The following RPSA2 variants were observed in gnomAD, a reference collection of about 807,000 sequenced individuals.
RPSA2 encodes small ribosomal subunit protein uS2B.
the RPSA2 span, among the ~76,000 whole-genome samples, chr19:23,847,107 G>T: frequency 1.3e-5 from 2 of 151,582 alleles, no homozygotes; most frequent in African/African-American, 4.8e-5. Context: ...CCTGTTTAAA[G>T]GTCTGAAAAT....
the RPSA2 span, among the ~76,000 whole-genome samples, chr19:23,768,167 G>C: frequency 4.0e-4 from 3 of 7,526 alleles, no homozygotes; most frequent in East Asian, 0.036. Context: ...GAAAAATCTA[G>C]TGATATGTTT....
At chr19:23,833,508 A>T in the RPSA2 span, among the ~76,000 whole-genome samples, 1 of 152,132 alleles carries the variant, frequency 6.6e-6, no homozygotes, top group African/African-American at 2.4e-5. Context: ...AATGATTGTC[A>T]CACTTGATTG....
the RPSA2 span, among the ~76,000 whole-genome samples, chr19:23,769,271 T>G: frequency 1.3e-5 from 2 of 152,332 alleles, no homozygotes; most frequent in African/African-American, 4.8e-5. Flanking sequence ...AGGTTATATG[T>G]GACTTCACAC....
At chr19:23,785,493 T>C in the RPSA2 span, among the ~76,000 whole-genome samples, 1 of 152,102 alleles carries the variant, frequency 6.6e-6, no homozygotes, top group Admixed American at 6.5e-5. Context: ...TACCAGACAA[T>C]GTGTCTTTCT....
the RPSA2 span, among the ~76,000 whole-genome samples, chr19:23,870,536 T>A: frequency 6.6e-6 from 1 of 152,174 alleles, no homozygotes; most frequent in Admixed American, 6.5e-5. Context: ...AAAAAAAAGT[T>A]CTTGATTTAA....
the RPSA2 span, among the ~76,000 whole-genome samples, chr19:23,774,115 G>A: frequency 1.3e-5 from 2 of 151,914 alleles, no homozygotes; most frequent in Admixed American, 6.6e-5. Context: ...GTGACATATC[G>A]CTGGGCCTTG....
At chr19:23,864,901 TC>T in the RPSA2 span, among the ~76,000 whole-genome samples, 1 of 152,176 alleles carries the variant, frequency 6.6e-6, no homozygotes, top group African/African-American at 2.4e-5. Context: ...TCTCCCTGTC[TC>T]CTTTACACAA....
chr19:23,835,627 G>T, the RPSA2 span, among the ~76,000 whole-genome samples: 7 of 142,138 alleles, frequency 4.9e-5, no homozygotes, highest in African/African-American at 1.8e-4. Flanking sequence ...TTTTTTTTTT[G>T]TTGTTGTTGT....
At chr19:23,857,485 C>CT in the RPSA2 span, among the ~76,000 whole-genome samples, 17,560 of 95,240 alleles carry the variant, frequency 0.18, 2,149 homozygotes, top group East Asian at 0.24. Flanking sequence ...TTTTTAAAGT[C>CT]TTTTTTTTTT....
At chr19:23,869,548 A>C in the RPSA2 span, among the ~76,000 whole-genome samples, 1 of 152,080 alleles carries the variant, frequency 6.6e-6, no homozygotes, top group Admixed American at 6.6e-5. Flanking sequence ...TTGGGGAACT[A>C]AAGGTCAACT....
the RPSA2 span, among the ~76,000 whole-genome samples, chr19:23,812,708 A>G: frequency 6.6e-6 from 1 of 151,912 alleles, no homozygotes; most frequent in African/African-American, 2.4e-5. Context: ...CTCTTAGCTC[A>G]TTTTCAATGT....
chr19:23,850,403 G>T, the RPSA2 span, among the ~76,000 whole-genome samples: 2 of 4,614 alleles, frequency 4.3e-4, no homozygotes, highest in African/African-American at 4.8e-4. Flanking sequence ...GAAATGGTGA[G>T]ATTTTTTGGT....
chr19:23,840,614 G>A, the RPSA2 span, among the ~76,000 whole-genome samples: 8 of 152,158 alleles, frequency 5.3e-5, no homozygotes, highest in Non-Finnish European at 7.3e-5. Context: ...TCAAAGAAAT[G>A]TGCCTTCTAG....
the RPSA2 span, among the ~76,000 whole-genome samples, chr19:23,824,580 C>CTTTTTTTTTT: frequency 7.4e-4 from 47 of 63,742 alleles, no homozygotes; most frequent in African/African-American, 1.5e-3. Context: ...TATAGCATTT[C>CTTTTTTTTTT]TTTTTTTTTT....
At chr19:23,798,066 T>G in the RPSA2 span, among the ~76,000 whole-genome samples, 3 of 152,048 alleles carry the variant, frequency 2.0e-5, no homozygotes, top group Admixed American at 6.6e-5. Flanking sequence ...TATTTATTTT[T>G]TTTTTACTCA....
chr19:23,836,835 T>G, the RPSA2 span, among the ~76,000 whole-genome samples: 1 of 152,022 alleles, frequency 6.6e-6, no homozygotes, highest in South Asian at 2.1e-4. Context: ...TTCTATTTTT[T>G]GATTTTTTTC....
At chr19:23,861,284 A>C in the RPSA2 span, among the ~76,000 whole-genome samples, 1 of 152,300 alleles carries the variant, frequency 6.6e-6, no homozygotes, top group East Asian at 1.9e-4. Context: ...ATGAGTTTAC[A>C]GTTTCAAATC....
chr19:23,867,855 G>A, the RPSA2 span, among the ~76,000 whole-genome samples: 1 of 151,264 alleles, frequency 6.6e-6, no homozygotes, highest in Admixed American at 6.6e-5. Flanking sequence ...AAAAGGATTG[G>A]GACATCAGGA....
chr19:23,790,284 G>A, the RPSA2 span, among the ~76,000 whole-genome samples: 148,952 of 152,278 alleles, frequency 0.98, 72,941 homozygotes, highest in Middle Eastern at 1. Context: ...GACGTGAGCC[G>A]CTGGACCCGG....
Sources: gnomAD v4.1 joint callset for allele counts (sites outside exome capture counted in the v4.1 genomes callset) on GRCh38, gnomAD v4.1.1 for gene constraint, MANE v1.5 for transcripts, NCBI Gene and HGNC (gene_info 2026-07-23, HGNC 2026-07-21) for gene names.